Variants in FAM149A observed in about 807,000 individuals in gnomAD.
FAM149A encodes protein FAM149A.
FAM149A carries 71 observed loss-of-function variants against 78.2 expected under a neutral mutation model. The ratio of observed to expected loss-of-function variants is 0.91; its 90% CI spans 0.75 to 1.11. FAM149A has a LOEUF of 1.11. Ranked by LOEUF, FAM149A falls within the 50% of genes least tolerant of loss-of-function variation. The pLI, the probability that FAM149A is intolerant of heterozygous loss-of-function variation, is 0.00. For synonymous variants in FAM149A, 446 were observed against 410.5 expected (o/e 1.09, Z -1.04); for missense variants, 1,036 against 971.0 (o/e 1.07, Z -0.89).
At chr4:186,145,044 G>C (rs907438) in intron 1 of FAM149A, 872,660 of 983,950 alleles carry the variant, frequency 0.89, 387,170 homozygotes, top group African/African-American at 0.93. Flanking sequence ...TCTGCCTGAC[G>C]GTGCCCGAGC....
At position 186,114,755 on chromosome 4, in the gene FAM149A, G is replaced by A. The variant is rs1254981017; in HGVS notation, c.566+9113G>A. 9.7e-3 allele frequency among the ~76,000 whole-genome samples: 31 copies of A among 3,206 alleles called. 15 individuals carry two copies. The highest frequency in any genetic ancestry group is 0.015 in the Admixed American group (2 of 132). The allele number at this position is 3,206 out of a possible 152,430, so 2.1% of individuals were successfully genotyped here. Reference sequence around the variant, plus strand: ...TCTTCTGGCTTGTAGGGTTTCTGCCGAGAGATCCGCTGTTAGTCTGATAGG... The same window carrying A: ...TCTTCTGGCTTGTAGGGTTTCTGCCAAGAGATCCGCTGTTAGTCTGATAGG... On this transcript the variant is annotated intron_variant, in intron 1 of 13. Coordinates refer to ENST00000389354, the MANE Select transcript of FAM149A (RefSeq NM_001367768.3).
At chr4:186,143,247 C>G (rs1015871336) in intron 1 of FAM149A, among the ~76,000 whole-genome samples, 9 of 147,546 alleles carry the variant, frequency 6.1e-5, no homozygotes, top group Non-Finnish European at 8.9e-5. Flanking sequence ...CCATCTTGGC[C>G]TCTCAAAACA....
chr4:186,163,383 C>A, intron 9 of FAM149A, 41 bp from the exon 10 acceptor site: 1 of 1,534,232 alleles, frequency 6.5e-7, no homozygotes, highest in Non-Finnish European at 9.0e-7. Flanking sequence ...CCTGTTATCA[C>A]AGCACTCGCA....
At chr4:186,149,346 A>C (rs1434651535) in intron 2 of FAM149A, 63 bp downstream of exon 2, 38 of 1,256,048 alleles carry the variant, frequency 3.0e-5, no homozygotes, top group Non-Finnish European at 3.8e-5. Context: ...TGTGGGAAGG[A>C]AGTTAGTGAC....
chr4:186,154,045 T>A (rs1733829242), intron 5 of FAM149A, among the ~76,000 whole-genome samples: 1 of 152,148 alleles, frequency 6.6e-6, no homozygotes, highest in African/African-American at 2.4e-5. Context: ...AAAGGCGCTG[T>A]GAAAGGTGGA....
At chr4:186,157,797 G>T (rs888809302) in intron 8 of FAM149A, 78 bp downstream of exon 8, 2 of 1,565,860 alleles carry the variant, frequency 1.3e-6, no homozygotes, top group Non-Finnish European at 8.7e-7. Flanking sequence ...CTGTTAAACT[G>T]CAGTACTGAG....
rs1331694687 is a variant in FAM149A at position 186,154,633 on chromosome 4, A to G, written c.1224A>G (p.Lys408=). 1.9e-6 allele frequency: 3 copies of G among 1,613,130 alleles called. No individual in the cohort carries two copies. The highest frequency in any genetic ancestry group is 1.3e-5 in the African/African-American group (1 of 74,922). The change falls in exon 6 of 14, where the codon AAA becomes AAG. Residue 408 remains lysine (K), a synonymous_variant. Coordinates refer to ENST00000389354, the MANE Select transcript of FAM149A (RefSeq NM_001367768.3). ...AGGAGTATTTCGCTTTTGACAGAAAAGAGGAGTAAATAGAATCTTATTTGA... is the reference window on the plus strand; with the variant it reads ...AGGAGTATTTCGCTTTTGACAGAAAGGAGGAGTAAATAGAATCTTATTTGA...
chr4:186,124,704 A>C (rs1385663092), intron 1 of FAM149A, among the ~76,000 whole-genome samples: 2 of 152,200 alleles, frequency 1.3e-5, no homozygotes, highest in African/African-American at 4.8e-5. Context: ...TGCTATTGTG[A>C]ATAGTGCCAC....
chr4:186,106,260 T>C (rs1364470884), intron 1 of FAM149A, among the ~76,000 whole-genome samples: 3 of 152,148 alleles, frequency 2.0e-5, no homozygotes, highest in African/African-American at 7.2e-5. Flanking sequence ...AAACGTTGAC[T>C]TCATGGGAAC....
intron 1 of FAM149A, among the ~76,000 whole-genome samples, chr4:186,134,400 C>T (rs958556098): frequency 1.3e-5 from 2 of 152,102 alleles, no homozygotes; most frequent in African/African-American, 2.4e-5. Context: ...TACTAGGTGC[C>T]GCAGCAAGGA....
intron 1 of FAM149A, chr4:186,145,144 C>G (rs1732926767): frequency 1.0e-6 from 1 of 985,490 alleles, no homozygotes; most frequent in Non-Finnish European, 1.2e-6. Context: ...GGCTCGCCTT[C>G]TGGCCGCTCT....
intron 1 of FAM149A, among the ~76,000 whole-genome samples, chr4:186,130,688 GTT>G (rs1356720714): frequency 2.0e-5 from 3 of 151,886 alleles, no homozygotes; most frequent in African/African-American, 7.3e-5. Context: ...GAGTCAATTT[GTT>G]TCAGAAAAAA....
intron 8 of FAM149A, chr4:186,158,532 T>G (rs1467759156): frequency 1.0e-6 from 1 of 954,786 alleles, no homozygotes; most frequent in Non-Finnish European, 1.2e-6. Context: ...AGCCTGCTGC[T>G]GATGCAGCTG....
At chr4:186,128,777 ATGTC>A (rs945597490) in intron 1 of FAM149A, among the ~76,000 whole-genome samples, 2 of 152,192 alleles carry the variant, frequency 1.3e-5, no homozygotes, top group African/African-American at 2.4e-5. Context: ...TTAGCATTGT[ATGTC>A]TGTGTGTGTA....
intron 1 of FAM149A, chr4:186,145,035 C>G: frequency 1.0e-6 from 1 of 981,878 alleles, no homozygotes. Flanking sequence ...CGCGGTGCCT[C>G]TGCCTGACGG....
chr4:186,167,716 T>C (rs1269603628), intron 13 of FAM149A: 20 of 263,836 alleles, frequency 7.6e-5, no homozygotes, highest in Non-Finnish European at 2.3e-5. Flanking sequence ...ATTCTCAGCC[T>C]GGTATGCTGT....
At chr4:186,158,264 C>A in intron 8 of FAM149A, 1 of 1,235,132 alleles carries the variant, frequency 8.1e-7, no homozygotes, top group Non-Finnish European at 1.0e-6. Context: ...TCTGCTGGTC[C>A]CAGGCGACCA....
intron 1 of FAM149A, chr4:186,110,068 C>T (rs1561382591): frequency 3.0e-6 from 3 of 985,416 alleles, no homozygotes; most frequent in South Asian, 4.7e-5. Flanking sequence ...TTTATATTCA[C>T]ATCTTATGTC....
chr4:186,140,767 C>T (rs2099325467), intron 1 of FAM149A, among the ~76,000 whole-genome samples: 1 of 152,038 alleles, frequency 6.6e-6, no homozygotes, highest in Non-Finnish European at 1.5e-5. Context: ...TTTAAATAAT[C>T]AATGAAAGAT....
Sources: gnomAD v4.1 joint callset for allele counts (sites outside exome capture counted in the v4.1 genomes callset) on GRCh38, gnomAD v4.1.1 for gene constraint, MANE v1.5 for transcripts, NCBI Gene and HGNC (gene_info 2026-07-23, HGNC 2026-07-21) for gene names.